NKAIN3: variants seen among roughly 807,000 people sequenced by gnomAD.
The protein encoded by NKAIN3 is sodium/potassium transporting ATPase interacting 3.
Under a neutral mutation model 30.2 loss-of-function variants are expected in NKAIN3, and 25 were observed. The ratio of observed to expected loss-of-function variants is 0.83; its 90% confidence interval spans 0.60 to 1.16. The LOEUF (loss-of-function observed/expected upper bound fraction) is 1.16. NKAIN3 is among the 50% of genes most tolerant of loss of function. NKAIN3 has a pLI of 0.00. For missense variants in NKAIN3, 225 were observed against 254.1 expected (o/e 0.89, Z 0.78); for synonymous variants, 91 against 89.6 (o/e 1.02, Z -0.09).
intron 4 of NKAIN3, among the ~76,000 whole-genome samples, chr8:62,837,076 T>C (rs527308494): frequency 6.6e-6 from 1 of 152,254 alleles, no homozygotes; most frequent in Admixed American, 6.5e-5. Flanking sequence ...ATTTGTTTTC[T>C]AAGAAAACAT....
chr8:62,725,292 A>G (rs1486369511), intron 3 of NKAIN3, among the ~76,000 whole-genome samples: 1 of 152,098 alleles, frequency 6.6e-6, no homozygotes, highest in Non-Finnish European at 1.5e-5. Context: ...TCAGATAGAT[A>G]GTTTGCAAAT....
chr8:62,688,917 T>A (rs1813877131), intron 3 of NKAIN3, among the ~76,000 whole-genome samples: 1 of 152,176 alleles, frequency 6.6e-6, no homozygotes. Context: ...AAATCCTTTT[T>A]TATGTTAACT....
At chr8:62,391,174 C>A (rs1817574852) in intron 1 of NKAIN3, among the ~76,000 whole-genome samples, 1 of 152,128 alleles carries the variant, frequency 6.6e-6, no homozygotes, top group Middle Eastern at 3.4e-3. Flanking sequence ...CTTCCTTATA[C>A]TATATGCAAA....
rs910893594 is a variant in NKAIN3 at position 62,249,288 on chromosome 8, G to A, written c.54+161G>A. ...CCCACCGCCTGGCTGGGCTCGCACT[G>A]CTCTCCAGCCGCGGGCACTCGCCAG... is the stretch of plus-strand genomic sequence containing the variant. On this transcript the variant is annotated intron_variant, in intron 1 of 6. Coordinates refer to ENST00000623646, the MANE Select transcript of NKAIN3 (RefSeq NM_001304533.3). Among the ~76,000 whole-genome samples, 121 of 152,336 alleles carry A rather than the reference G, an allele frequency of 7.9e-4. 1 individual carries two copies. Among genetic ancestry groups the A allele is most frequent in the Admixed American group, 3.2e-3 (49 of 15,304 alleles).
intron 1 of NKAIN3, among the ~76,000 whole-genome samples, chr8:62,513,387 A>G (rs548725812): frequency 1.7e-4 from 26 of 152,128 alleles, no homozygotes; most frequent in African/African-American, 5.8e-4. Context: ...GATATTAATC[A>G]AACAATCACA....
At chr8:62,655,773 G>GGAT (rs942031147) in intron 3 of NKAIN3, among the ~76,000 whole-genome samples, 1 of 151,984 alleles carries the variant, frequency 6.6e-6, no homozygotes, top group African/African-American at 2.4e-5. Flanking sequence ...TTCAGGAAGG[G>GGAT]GATGATGATG....
intron 1 of NKAIN3, among the ~76,000 whole-genome samples, chr8:62,394,548 C>T (rs748915006): frequency 1.1e-5 from 1 of 92,420 alleles, no homozygotes; most frequent in African/African-American, 3.0e-5. Context: ...ATAAAGATCA[C>T]ACACAAGGCT....
chr8:62,447,387 C>T (rs1013356680), intron 1 of NKAIN3, among the ~76,000 whole-genome samples: 6 of 151,874 alleles, frequency 4.0e-5, no homozygotes, highest in Admixed American at 6.6e-5. Flanking sequence ...AAGTCAAACC[C>T]GTCTATTTCC....
At chr8:62,451,909 A>G (rs1805652922) in intron 1 of NKAIN3, among the ~76,000 whole-genome samples, 1 of 152,252 alleles carries the variant, frequency 6.6e-6, no homozygotes, top group Non-Finnish European at 1.5e-5. Flanking sequence ...AAGATTCCAC[A>G]GCTGCTTTCA....
chr8:62,434,422 G>A (rs1389396388), intron 1 of NKAIN3, among the ~76,000 whole-genome samples: 1 of 152,150 alleles, frequency 6.6e-6, no homozygotes, highest in African/African-American at 2.4e-5. Context: ...GCCCTGAGAA[G>A]GTCCTGCGAG....
intron 2 of NKAIN3, among the ~76,000 whole-genome samples, chr8:62,587,751 G>C (rs868024278): frequency 3.9e-5 from 6 of 151,954 alleles, no homozygotes; most frequent in Non-Finnish European, 8.8e-5. Context: ...AACACAGAAA[G>C]CACCAGGATA....
intron 1 of NKAIN3, among the ~76,000 whole-genome samples, chr8:62,542,509 C>T (rs1808875761): frequency 6.6e-6 from 1 of 151,962 alleles, no homozygotes; most frequent in African/African-American, 2.4e-5. Context: ...CAAAACTAAA[C>T]ATGAATCTAG....
chr8:62,282,190 T>C (rs1813221745), intron 1 of NKAIN3, among the ~76,000 whole-genome samples: 1 of 152,186 alleles, frequency 6.6e-6, no homozygotes, highest in South Asian at 2.1e-4. Flanking sequence ...GAAAACCCAC[T>C]CGGGAAATTG....
chr8:62,985,197 C>T (rs1369792856), downstream of NKAIN3, among the ~76,000 whole-genome samples: 1 of 152,206 alleles, frequency 6.6e-6, no homozygotes, highest in Non-Finnish European at 1.5e-5. Flanking sequence ...GCCCCTGACT[C>T]CAATTACATC....
At chr8:62,466,062 C>T (rs1258484127) in intron 1 of NKAIN3, among the ~76,000 whole-genome samples, 8 of 151,906 alleles carry the variant, frequency 5.3e-5, no homozygotes, top group Middle Eastern at 3.2e-3. Flanking sequence ...TTGAGAGACA[C>T]GATAGCAAGG....
chr8:62,825,342 T>C (rs1048601573), intron 4 of NKAIN3, among the ~76,000 whole-genome samples: 2 of 152,208 alleles, frequency 1.3e-5, no homozygotes, highest in African/African-American at 4.8e-5. Context: ...CAACAAATGG[T>C]TGGGGCAAAT....
chr8:62,281,595 A>C (rs183515648), intron 1 of NKAIN3, among the ~76,000 whole-genome samples: 111 of 152,232 alleles, frequency 7.3e-4, no homozygotes, highest in African/African-American at 2.6e-3. Context: ...CATTGGTTTC[A>C]AAGAACATCT....
At chr8:62,866,890 CAAAAA>C (rs59832626) in intron 4 of NKAIN3, among the ~76,000 whole-genome samples, 2 of 125,856 alleles carry the variant, frequency 1.6e-5, no homozygotes, top group African/African-American at 6.3e-5. Flanking sequence ...ACTAAAAATA[CAAAAA>C]AAAAAAAAAA....
intron 1 of NKAIN3, among the ~76,000 whole-genome samples, chr8:62,475,900 A>G (rs992804170): frequency 2.6e-5 from 4 of 152,228 alleles, no homozygotes; most frequent in African/African-American, 9.7e-5. Context: ...ATGGGGTCAG[A>G]TTACAGCTCT....
Sources: allele counts gnomAD v4.1 joint callset (sites outside exome capture counted in the v4.1 genomes callset), GRCh38; gene constraint gnomAD v4.1.1; transcripts MANE v1.5; gene names NCBI Gene and HGNC (gene_info 2026-07-23, HGNC 2026-07-21).